The following CSMD2 variants were observed in gnomAD, a reference collection of about 807,000 sequenced individuals.
CSMD2 encodes CUB and sushi domain-containing protein 2.
Under a neutral mutation model 398.5 loss-of-function variants are expected in CSMD2, and 130 were observed. The observed-to-expected ratio is 0.33, with a 90% confidence interval of 0.28 to 0.38. CSMD2 has a LOEUF of 0.38. Among genes scored for constraint, CSMD2 ranks in the 10% least tolerant of loss-of-function variants. The probability of loss-of-function intolerance (pLI) is 1.00; values close to 1 mark genes in which losing one functional copy is unlikely to be tolerated. For missense variants in CSMD2, 3,829 were observed against 4,764.9 expected (o/e 0.80, Z 5.78); for synonymous variants, 1,828 against 1,908.5 (o/e 0.96, Z 1.10).
At chr1:34,097,471 AG>A (rs1659459696) in intron 1 of CSMD2, among the ~76,000 whole-genome samples, 1 of 72,292 alleles carries the variant, frequency 1.4e-5, no homozygotes, top group South Asian at 5.5e-4. Context: ...CAGAGTGAAC[AG>A]GCAACCTACA....
chr1:33,631,619 G>C (rs1278084983), intron 32 of CSMD2, among the ~76,000 whole-genome samples: 3 of 152,034 alleles, frequency 2.0e-5, no homozygotes, highest in Non-Finnish European at 4.4e-5. Context: ...AAATCTCCAT[G>C]AAATATCTGG....
rs535095170 is a variant in CSMD2 at position 33,635,078 on chromosome 1, C to T, written c.5086+136G>A. 13 of 616,192 alleles carry T rather than the reference C, an allele frequency of 2.1e-5. No individual in the cohort carries two copies. The highest frequency in any genetic ancestry group is 3.6e-5 in the South Asian group (2 of 55,002). The allele number at this position is 616,192 out of a possible 1,614,324, so 38.2% of individuals were successfully genotyped here. A position where few individuals can be genotyped will look rare whatever the true frequency, so the allele number is the denominator to read the frequency against. On this transcript the variant is annotated intron_variant, in intron 31 of 70. Coordinates refer to ENST00000373381, the MANE Select transcript of CSMD2 (RefSeq NM_001281956.2). This position sits in a 1 kb window ranked among gnomAD's most constrained non-coding sequence, Gnocchi z 5.0. ...CGTTTGAGAAACGTCAGCACTCGGCCGTCCTTTTGGGGAGACTGTTCTGCG... is the reference window on the plus strand; with the variant it reads ...CGTTTGAGAAACGTCAGCACTCGGCTGTCCTTTTGGGGAGACTGTTCTGCG...
chr1:34,118,538 T>C (rs1409149763), intron 1 of CSMD2, among the ~76,000 whole-genome samples: 2 of 152,190 alleles, frequency 1.3e-5, no homozygotes, highest in African/African-American at 2.4e-5. Context: ...TTAGAACTAA[T>C]AAACAATTTC....
chr1:33,713,129 A>G (rs75803864), intron 21 of CSMD2, among the ~76,000 whole-genome samples: 4,601 of 152,318 alleles, frequency 0.03, 201 homozygotes, highest in African/African-American at 0.1. Flanking sequence ...TTTTATAAAC[A>G]AGGAAGCTGA....
At chr1:33,915,904 C>A (rs2125277002) in intron 5 of CSMD2, among the ~76,000 whole-genome samples, 1 of 152,308 alleles carries the variant, frequency 6.6e-6, no homozygotes, top group East Asian at 1.9e-4. Context: ...GGGGTTGAAT[C>A]CCAGCTCTGC....
chr1:34,016,185 T>A (rs1279660902), intron 3 of CSMD2, among the ~76,000 whole-genome samples: 1 of 152,186 alleles, frequency 6.6e-6, no homozygotes, highest in Non-Finnish European at 1.5e-5. Flanking sequence ...ATGTTCTGAA[T>A]GTGCAGGTTT....
chr1:34,080,131 A>G (rs1461477113), intron 2 of CSMD2, among the ~76,000 whole-genome samples: 1 of 149,022 alleles, frequency 6.7e-6, no homozygotes, highest in African/African-American at 2.4e-5. Flanking sequence ...GTAAAGCAAA[A>G]AAAAAAAAAA....
chr1:33,975,393 T>G (rs1645921023), intron 3 of CSMD2, among the ~76,000 whole-genome samples: 1 of 152,064 alleles, frequency 6.6e-6, no homozygotes, highest in South Asian at 2.1e-4. Context: ...TGGAACAGTA[T>G]CAGGGACATA....
rs1267012481 is a variant in CSMD2 at position 33,525,100 on chromosome 1, G to A, written c.10235-57C>T. 9.5e-6 allele frequency: 15 copies of A among 1,584,088 alleles called. No homozygotes were observed. The Admixed American group carries it at 1.2e-4, about 12-fold the overall frequency. On this transcript the variant is annotated intron_variant, in intron 65 of 70. Transcript: ENST00000373381. ...ACTTTGTGTGTGCTGCCAGAATTGGGGTAGCCTGATGACTGATCCCAGCCC... is the reference window on the plus strand; with the variant it reads ...ACTTTGTGTGTGCTGCCAGAATTGGAGTAGCCTGATGACTGATCCCAGCCC...
At position 34,115,699 on chromosome 1, in the gene CSMD2, A is replaced by T. The variant is rs142934079; in HGVS notation, c.188-26506T>A. On this transcript the variant is annotated intron_variant, in intron 1 of 70. Coordinates refer to ENST00000373381, the MANE Select transcript of CSMD2 (RefSeq NM_001281956.2). Reference sequence around the variant, plus strand: ...AGAATCTTGTAATACTATAATAGTGATGCCTAAATCATTTTAATTCTAGTA... The same window carrying T: ...AGAATCTTGTAATACTATAATAGTGTTGCCTAAATCATTTTAATTCTAGTA... Among the ~76,000 whole-genome samples, 1,462 of 152,266 alleles carry T rather than the reference A, an allele frequency of 9.6e-3. 21 individuals carry two copies. Among genetic ancestry groups the T allele is most frequent in the African/African-American group, 0.034 (1,405 of 41,572 alleles).
intron 5 of CSMD2, among the ~76,000 whole-genome samples, chr1:33,905,338 A>T (rs1643024044): frequency 6.6e-6 from 1 of 152,208 alleles, no homozygotes; most frequent in African/African-American, 2.4e-5. Flanking sequence ...AAAACAGACT[A>T]AGAAGGAATG....
At chr1:33,755,847 C>CG (rs1173262220) in intron 13 of CSMD2, among the ~76,000 whole-genome samples, 1 of 149,362 alleles carries the variant, frequency 6.7e-6, no homozygotes, top group East Asian at 1.9e-4. Context: ...TGTGTGTGTG[C>CG]GGGGGGAGGG....
At chr1:33,530,759 G>A (rs1160641661) in intron 64 of CSMD2, among the ~76,000 whole-genome samples, 2 of 152,138 alleles carry the variant, frequency 1.3e-5, no homozygotes, top group Non-Finnish European at 2.9e-5. Context: ...ATACTATGCA[G>A]CCTTAAAAAA....
Position 34,031,729 on chromosome 1 carries a change from T to A in CSMD2, c.517+865A>T, listed in dbSNP as rs116619650. On this transcript the variant is annotated intron_variant, in intron 3 of 70. Transcript: ENST00000373381. ...TATAGCTTCTTCATTGAAGAAAGCATCGCTTACTCTTTAAGTTCTTAAACA... is the reference window on the plus strand; with the variant it reads ...TATAGCTTCTTCATTGAAGAAAGCAACGCTTACTCTTTAAGTTCTTAAACA... Among the ~76,000 whole-genome samples, 508 of 128,120 alleles carry A rather than the reference T, an allele frequency of 4.0e-3. 1 individual carries two copies. Among genetic ancestry groups the A allele is most frequent in the African/African-American group, 0.015 (483 of 32,846 alleles). The allele number at this position is 128,120 out of a possible 152,430, so 84.1% of individuals were successfully genotyped here.
At chr1:34,099,722 G>C (rs997446558) in intron 1 of CSMD2, among the ~76,000 whole-genome samples, 5 of 152,242 alleles carry the variant, frequency 3.3e-5, no homozygotes, top group Non-Finnish European at 5.9e-5. Context: ...GAACAGCACA[G>C]AAAGACTAAG....
intron 12 of CSMD2, among the ~76,000 whole-genome samples, chr1:33,777,007 G>A (rs1409655003): frequency 6.6e-6 from 1 of 152,162 alleles, no homozygotes; most frequent in African/African-American, 2.4e-5. Flanking sequence ...GGCAAGTAGG[G>A]AGGAGGAGAT....
intron 2 of CSMD2, among the ~76,000 whole-genome samples, chr1:34,040,409 C>T (rs1374098134): frequency 6.7e-6 from 1 of 149,970 alleles, no homozygotes; most frequent in Non-Finnish European, 1.5e-5. Context: ...ACTGACATCC[C>T]TTTTCTTTTC....
intron 10 of CSMD2, among the ~76,000 whole-genome samples, chr1:33,797,416 A>G (rs1458873710): frequency 6.6e-6 from 1 of 152,224 alleles, no homozygotes; most frequent in Non-Finnish European, 1.5e-5. Context: ...CCCCCAATAC[A>G]GCACAATAGC....
At chr1:34,081,085 A>C (rs1318535454) in intron 2 of CSMD2, among the ~76,000 whole-genome samples, 1 of 152,182 alleles carries the variant, frequency 6.6e-6, no homozygotes, top group Non-Finnish European at 1.5e-5. Flanking sequence ...TGACACTCTC[A>C]ATAAAATGGG....
Sources: gnomAD v4.1 joint callset for allele counts (sites outside exome capture counted in the v4.1 genomes callset) on GRCh38, gnomAD v4.1.1 for gene constraint, Gnocchi (gnomAD v3.1) non-coding constraint, MANE v1.5 for transcripts, NCBI Gene and HGNC (gene_info 2026-07-23, HGNC 2026-07-21) for gene names.